The following NDUFAF6 variants were observed in gnomAD, a reference collection of about 807,000 sequenced individuals.
NDUFAF6 encodes the protein NADH dehydrogenase (ubiquinone) complex I, assembly factor 6.
NDUFAF6 carries 45 observed loss-of-function variants against 40.8 expected under a neutral mutation model. The observed-to-expected ratio is 1.10, with a 90% CI of 0.87 to 1.42. The LOEUF (loss-of-function observed/expected upper bound fraction) is 1.42, where lower values mean the gene tolerates loss of function less well. NDUFAF6 is among the 40% of genes most tolerant of loss of function. The pLI is 0.00. For missense variants in NDUFAF6, 435 were observed against 418.5 expected (o/e 1.04, Z -0.34); for synonymous variants, 185 against 155.9 (o/e 1.19, Z -1.39).
At chr8:95,000,476 T>C (rs974208322) in intron 2 of NDUFAF6, among the ~76,000 whole-genome samples, 1 of 152,148 alleles carries the variant, frequency 6.6e-6, no homozygotes, top group Non-Finnish European at 1.5e-5. Flanking sequence ...GAACCAAAAA[T>C]CGGTGTCCTG....
At chr8:94,986,249 G>A (rs1254613437) in intron 2 of NDUFAF6, among the ~76,000 whole-genome samples, 1 of 152,066 alleles carries the variant, frequency 6.6e-6, no homozygotes, top group Non-Finnish European at 1.5e-5. Context: ...TAGGGTCAAG[G>A]GCAGACCACT....
At chr8:94,990,225 A>T (rs1826134858) in intron 2 of NDUFAF6, among the ~76,000 whole-genome samples, 1 of 152,164 alleles carries the variant, frequency 6.6e-6, no homozygotes, top group Admixed American at 6.5e-5. Flanking sequence ...AGGACAACAC[A>T]TATATAAGGT....
chr8:94,923,071 A>G (rs1819614936), intron 1 of NDUFAF6, among the ~76,000 whole-genome samples: 1 of 152,210 alleles, frequency 6.6e-6, no homozygotes, highest in African/African-American at 2.4e-5. Flanking sequence ...GCATGTCGGA[A>G]AGAGAAACGA....
chr8:94,993,162 T>C (rs1362486198), intron 2 of NDUFAF6, among the ~76,000 whole-genome samples: 2 of 152,210 alleles, frequency 1.3e-5, no homozygotes, highest in Non-Finnish European at 1.5e-5. Context: ...GTCTTCCCTC[T>C]GTACCTGTCA....
chr8:94,949,880 G>C (rs1822421014), intron 2 of NDUFAF6, among the ~76,000 whole-genome samples: 1 of 152,278 alleles, frequency 6.6e-6, no homozygotes, highest in African/African-American at 2.4e-5. Flanking sequence ...GGTCAGCCTA[G>C]GGTTAGACGT....
chr8:94,918,286 T>C (rs1487570609), intron 1 of NDUFAF6, among the ~76,000 whole-genome samples: 1 of 152,080 alleles, frequency 6.6e-6, no homozygotes, highest in African/African-American at 2.4e-5. Context: ...CAGACTTGGT[T>C]TGAAGCAGAG....
At chr8:95,002,747 A>T (rs1384897911) in intron 2 of NDUFAF6, among the ~76,000 whole-genome samples, 3 of 152,216 alleles carry the variant, frequency 2.0e-5, no homozygotes, top group Non-Finnish European at 4.4e-5. Flanking sequence ...ACTAGTAGGG[A>T]ATACAACACA....
chr8:94,959,190 C>T (rs1823345458), intron 1 of NDUFAF6, among the ~76,000 whole-genome samples: 1 of 152,184 alleles, frequency 6.6e-6, no homozygotes, highest in Non-Finnish European at 1.5e-5. Flanking sequence ...GGCACTTGAC[C>T]TCAGGAATCC....
chr8:95,060,943 G>T (rs1436658797), downstream of NDUFAF6, among the ~76,000 whole-genome samples: 1 of 152,126 alleles, frequency 6.6e-6, no homozygotes, highest in East Asian at 1.9e-4. Flanking sequence ...GTATATGGTG[G>T]GGGAGTGTGG....
At chr8:95,040,446 G>C (rs954037128) in intron 3 of NDUFAF6, among the ~76,000 whole-genome samples, 1 of 152,118 alleles carries the variant, frequency 6.6e-6, no homozygotes, top group Non-Finnish European at 1.5e-5. Context: ...CAAATATCCT[G>C]CTCCTCATCA....
chr8:95,005,891 A>G (rs1017736162), intron 2 of NDUFAF6, among the ~76,000 whole-genome samples: 12 of 152,140 alleles, frequency 7.9e-5, no homozygotes, highest in South Asian at 4.1e-4. Flanking sequence ...ATGCTTCCCC[A>G]GGAGACAATG....
chr8:94,987,837 T>C (rs2131608845), intron 2 of NDUFAF6, among the ~76,000 whole-genome samples: 2 of 152,350 alleles, frequency 1.3e-5, no homozygotes, highest in East Asian at 3.9e-4. Flanking sequence ...CTCCTCCTCT[T>C]AGCCTGGCTT....
intron 2 of NDUFAF6, among the ~76,000 whole-genome samples, chr8:94,945,811 T>C (rs1401949861): frequency 6.6e-6 from 1 of 152,226 alleles, no homozygotes; most frequent in East Asian, 1.9e-4. Flanking sequence ...AGTAGCGCTG[T>C]TGTTCTTTGA....
Position 95,024,989 on chromosome 8 carries a change from G to A in NDUFAF6, c.-20G>A, listed in dbSNP as rs770994269. 1 of 1,312,800 alleles carries A rather than the reference G, an allele frequency of 7.6e-7. No individual in the cohort carries two copies. The highest frequency in any genetic ancestry group is 2.3e-5 in the South Asian group (1 of 42,988). 81.3% of individuals were successfully genotyped at this position (1,312,800 alleles called of 1,614,324 possible). On this transcript the variant is annotated 5_prime_UTR_variant, in exon 1 of 9. Coordinates refer to ENST00000396124, the MANE Select transcript of NDUFAF6 (RefSeq NM_152416.4). ...TGCGCGCCGACGGCGGGGGGTCGAAGGGCACGCAGTGCCGGCGTCATGGCG... is the reference window on the plus strand; with the variant it reads ...TGCGCGCCGACGGCGGGGGGTCGAAAGGCACGCAGTGCCGGCGTCATGGCG...
chr8:94,923,816 A>G (rs1461139408), intron 1 of NDUFAF6, among the ~76,000 whole-genome samples: 1 of 148,526 alleles, frequency 6.7e-6, no homozygotes, highest in Non-Finnish European at 1.5e-5. Context: ...AGTGGCTGGG[A>G]CTACAGGTGC....
downstream of NDUFAF6, among the ~76,000 whole-genome samples, chr8:95,080,306 T>TTTTTTGGTAGTGTATTTTTTGTAGTGA (rs1808788392): frequency 1.6e-5 from 1 of 64,000 alleles, no homozygotes; most frequent in Non-Finnish European, 3.5e-5. Flanking sequence ...TTTGTAGTGA[T>TTTTTTGGTAGTGTATTTTTTGTAGTGA]TTTTTGGTAG....
intron 1 of NDUFAF6, among the ~76,000 whole-genome samples, chr8:94,906,030 A>G (rs1031951878): frequency 5.3e-5 from 8 of 152,182 alleles, no homozygotes; most frequent in African/African-American, 1.9e-4. Context: ...CAGATAGGTA[A>G]TGTACCAGCA....
chr8:95,061,537 T>A (rs926064583), downstream of NDUFAF6, among the ~76,000 whole-genome samples: 17 of 152,214 alleles, frequency 1.1e-4, no homozygotes, highest in African/African-American at 4.1e-4. Context: ...TAAAATAATT[T>A]TGACACTTCA....
intron 1 of NDUFAF6, among the ~76,000 whole-genome samples, chr8:94,942,988 T>G (rs1346044540): frequency 1.3e-5 from 2 of 152,124 alleles, no homozygotes; most frequent in African/African-American, 4.8e-5. Context: ...GAGAGGATGG[T>G]GGAACCATTT....
Sources: allele counts gnomAD v4.1 joint callset (sites outside exome capture counted in the v4.1 genomes callset), GRCh38; gene constraint gnomAD v4.1.1; transcripts MANE v1.5; gene names NCBI Gene and HGNC (gene_info 2026-07-23, HGNC 2026-07-21).